RPS6KC1: variants seen among roughly 807,000 people sequenced by gnomAD.
RPS6KC1 encodes inactive ribosomal protein S6 kinase delta-1.
In RPS6KC1, 54 loss-of-function variants were observed where a neutral mutation model predicts 103.8. The observed-to-expected ratio is 0.52, with a 90% CI of 0.42 to 0.65. The LOEUF is 0.65. RPS6KC1 is among the 30% of genes least tolerant of loss of function. The pLI is 0.00. For missense variants in RPS6KC1, 1,151 were observed against 1,253.8 expected (o/e 0.92, Z 1.24); for synonymous variants, 439 against 438.7 (o/e 1.00, Z -0.01).
chr1:213,309,748 G>A, the RPS6KC1 span, among the ~76,000 whole-genome samples: 3 of 150,902 alleles, frequency 2.0e-5, no homozygotes, highest in Non-Finnish European at 3.0e-5. Flanking sequence ...GCAATGGTGA[G>A]ATCTCGGCTC....
the RPS6KC1 span, among the ~76,000 whole-genome samples, chr1:213,804,184 A>AC: frequency 7.3e-5 from 11 of 149,902 alleles, no homozygotes; most frequent in African/African-American, 2.7e-4. Flanking sequence ...AAAAAAAAAA[A>AC]AAAAAAAAAA....
chr1:213,789,048 C>T, the RPS6KC1 span, among the ~76,000 whole-genome samples: 125 of 152,260 alleles, frequency 8.2e-4, no homozygotes, highest in South Asian at 2.1e-3. Context: ...TCCTGACAGC[C>T]ACTTGGACCT....
chr1:213,425,927 G>A, the RPS6KC1 span, among the ~76,000 whole-genome samples: 2 of 152,164 alleles, frequency 1.3e-5, no homozygotes, highest in African/African-American at 2.4e-5. Flanking sequence ...TGCAGGAGAC[G>A]CTTGGGTTGA....
intron 6 of RPS6KC1, among the ~76,000 whole-genome samples, chr1:213,145,865 A>G (rs1320627468): frequency 6.6e-6 from 1 of 151,800 alleles, no homozygotes; most frequent in African/African-American, 2.4e-5. Context: ...TGAGTTATGA[A>G]CAATCCAATT....
chr1:213,721,900 C>T, the RPS6KC1 span, among the ~76,000 whole-genome samples: 2 of 152,186 alleles, frequency 1.3e-5, no homozygotes, highest in African/African-American at 4.8e-5. Flanking sequence ...TGTTGAAAGG[C>T]AGACCTGAGA....
the RPS6KC1 span, among the ~76,000 whole-genome samples, chr1:213,356,453 G>A: frequency 2.6e-5 from 4 of 151,968 alleles, no homozygotes; most frequent in South Asian, 2.1e-4. Context: ...TCAGGAGTTC[G>A]AGACCAGCCT....
the RPS6KC1 span, among the ~76,000 whole-genome samples, chr1:213,308,182 T>C: frequency 0.5 from 75,934 of 151,472 alleles, 20,971 homozygotes; most frequent in East Asian, 0.76. Context: ...GATGTGGTGG[T>C]GGGCACCTGT....
chr1:213,196,887 G>A (rs1299919114), intron 8 of RPS6KC1, among the ~76,000 whole-genome samples: 2 of 152,072 alleles, frequency 1.3e-5, no homozygotes, highest in East Asian at 3.9e-4. Flanking sequence ...CCCGGGCTGG[G>A]GTGCAATGGC....
At chr1:213,841,898 G>C in the RPS6KC1 span, among the ~76,000 whole-genome samples, 1 of 152,152 alleles carries the variant, frequency 6.6e-6, no homozygotes, top group Non-Finnish European at 1.5e-5. Flanking sequence ...GCCTCAGTCT[G>C]TCCTTCTGAT....
rs544578763 is a variant in RPS6KC1, at chr1:213,262,245, T to C, written c.2995-476T>C. Among the ~76,000 whole-genome samples, 21 of 152,306 alleles carry C rather than the reference T, an allele frequency of 1.4e-4. No homozygotes were observed. In the South Asian group the frequency reaches 4.4e-3, roughly 32 times the overall value. On this transcript the variant is annotated intron_variant, in intron 13 of 14. Coordinates refer to ENST00000366960, the MANE Select transcript of RPS6KC1 (RefSeq NM_012424.6). ...ACAGTTACACTTTTGTAAATAGTCA[T>C]CTACCTACGTGTGTAGATAATACTG...
chr1:213,291,372 A>G, the RPS6KC1 span, among the ~76,000 whole-genome samples: 3 of 152,134 alleles, frequency 2.0e-5, no homozygotes, highest in African/African-American at 7.2e-5. Context: ...CTCGCACTTT[A>G]TTTTCAAGAA....
chr1:213,258,847 C>T (rs1558647730), intron 12 of RPS6KC1, among the ~76,000 whole-genome samples: 1 of 152,172 alleles, frequency 6.6e-6, no homozygotes, highest in Non-Finnish European at 1.5e-5. Flanking sequence ...TAGTGGCTCC[C>T]TGTGAAATGG....
At chr1:213,581,651 A>C in the RPS6KC1 span, among the ~76,000 whole-genome samples, 5 of 152,080 alleles carry the variant, frequency 3.3e-5, no homozygotes, top group Non-Finnish European at 7.4e-5. Flanking sequence ...CTTCTAGAAA[A>C]GAGTGCAAGT....
intron 1 of RPS6KC1, among the ~76,000 whole-genome samples, chr1:213,069,205 C>T (rs1044209796): frequency 6.6e-6 from 1 of 151,924 alleles, no homozygotes; most frequent in African/African-American, 2.4e-5. Flanking sequence ...CCTTTTTTTC[C>T]GTTATCACAG....
chr1:213,352,622 T>C, the RPS6KC1 span, among the ~76,000 whole-genome samples: 1 of 152,214 alleles, frequency 6.6e-6, no homozygotes, highest in East Asian at 1.9e-4. Context: ...GCTTCTCAGT[T>C]GGAAGGAGGC....
chr1:213,058,262 T>C (rs774528191), intron 1 of RPS6KC1, among the ~76,000 whole-genome samples: 1 of 151,966 alleles, frequency 6.6e-6, no homozygotes, highest in Non-Finnish European at 1.5e-5. Flanking sequence ...AAAGCACAAT[T>C]TGTAATTTTG....
chr1:213,232,248 T>C lies in RPS6KC1; in HGVS notation c.1218T>C (p.His406=). ...SEESVFLVLQ[H]AEGGKLWSYI... ...AGTCAGTATTTCTTGTGCTGCAGCATGCGGAAGGTTGGTTTGTAGTTTGGA... is the reference window on the plus strand; with the variant it reads ...AGTCAGTATTTCTTGTGCTGCAGCACGCGGAAGGTTGGTTTGTAGTTTGGA... Residue 406 remains histidine, a synonymous_variant, in exon 10 of 15, where the codon CAT becomes CAC. Coordinates refer to ENST00000366960, the MANE Select transcript of RPS6KC1 (RefSeq NM_012424.6). 6.2e-7 allele frequency: 1 copy of C among 1,613,944 alleles called. No homozygotes were observed. Among genetic ancestry groups the C allele is most frequent in the Non-Finnish European group, 8.5e-7 (1 of 1,179,832 alleles).
At chr1:213,277,924 C>T (rs1289113724), downstream of RPS6KC1, among the ~76,000 whole-genome samples, 1 of 152,192 alleles carries the variant, frequency 6.6e-6, no homozygotes, top group Non-Finnish European at 1.5e-5. Flanking sequence ...CTTCCTAAAG[C>T]TGGGTGCAGT....
rs139427038 is a variant in RPS6KC1 at position 213,215,591 on chromosome 1, T to C, written c.1045-14906T>C. The stretch of plus-strand genomic sequence containing the variant: ...CACATAATTGTCAGATTCACCAAAC[T>C]TGACATGGAGGAAAAAATGTTAAGG... On this transcript the variant is annotated intron_variant, in intron 8 of 14. Transcript: ENST00000366960. Among the ~76,000 whole-genome samples the C allele has an allele frequency of 4.8e-3, 735 of 152,194 alleles. 5 individuals are homozygous for C. The highest frequency in any genetic ancestry group is 0.014 in the African/African-American group (600 of 41,508).
Sources: gnomAD v4.1 joint callset for allele counts (sites outside exome capture counted in the v4.1 genomes callset) on GRCh38, gnomAD v4.1.1 for gene constraint, MANE v1.5 for transcripts, NCBI Gene and HGNC (gene_info 2026-07-23, HGNC 2026-07-21) for gene names.